The following PLCB1 variants were observed in gnomAD, a reference collection of about 807,000 sequenced individuals.
The protein encoded by PLCB1 is phospholipase C beta 1.
In PLCB1, 46 loss-of-function variants were observed where a neutral mutation model predicts 161.8. The ratio of observed to expected loss-of-function variants is 0.28; its 90% CI spans 0.22 to 0.36. The LOEUF (loss-of-function observed/expected upper bound fraction) is 0.36. Among genes scored for constraint, PLCB1 ranks in the 10% least tolerant of loss-of-function variants. The probability of loss-of-function intolerance (pLI) is 1.00; values close to 1 mark genes in which losing one functional copy is unlikely to be tolerated. For synonymous variants in PLCB1, 517 were observed against 503.7 expected (o/e 1.03, Z -0.35); for missense variants, 1,016 against 1,472.5 (o/e 0.69, Z 5.07).
rs1568536067 is a variant in PLCB1, at chr20:8,629,879, C to CTG, written c.384+1449_384+1450insGT. ...TTTCTTTCTTTCTTTCTTTCTTTCT[C>CTG]TCTCTCTTTCTTTTCTTTCTTTCTT... On this transcript the variant is annotated intron_variant, in intron 4 of 31. Transcript: ENST00000338037. Among the ~76,000 whole-genome samples, 4 of 89,762 alleles carry CTG rather than the reference C, an allele frequency of 4.5e-5. No individual in the cohort carries two copies. The Admixed American group carries it at 4.6e-4, about 10-fold the overall frequency. The allele number at this position is 89,762 out of a possible 152,430, so 58.9% of individuals were successfully genotyped here.
intron 4 of PLCB1, among the ~76,000 whole-genome samples, chr20:8,643,985 C>T (rs1415442424): frequency 2.6e-5 from 4 of 151,408 alleles, no homozygotes; most frequent in East Asian, 1.9e-4. Flanking sequence ...TTGGTGGAGA[C>T]GGGGTTTCGC....
intron 2 of PLCB1, among the ~76,000 whole-genome samples, chr20:8,158,418 A>G (rs2051585223): frequency 1.3e-5 from 2 of 152,136 alleles, no homozygotes; most frequent in South Asian, 2.1e-4. Context: ...GGCAGTTTAC[A>G]AAAGAAAGAG....
At chr20:8,454,984 A>G (rs1600412782) in intron 3 of PLCB1, among the ~76,000 whole-genome samples, 2 of 152,220 alleles carry the variant, frequency 1.3e-5, no homozygotes, top group South Asian at 2.1e-4. Context: ...GGATGGATGA[A>G]TGAATGAATG....
At chr20:8,194,419 A>G (rs2052001803) in intron 2 of PLCB1, among the ~76,000 whole-genome samples, 1 of 151,970 alleles carries the variant, frequency 6.6e-6, no homozygotes, top group Non-Finnish European at 1.5e-5. Flanking sequence ...TTTCTTTTTA[A>G]TTTAGGTGTA....
rs373060309 is a variant in PLCB1, at chr20:8,764,029, T to C, written c.2711-1110T>C. 1.4e-4 allele frequency among the ~76,000 whole-genome samples: 22 copies of C among 152,132 alleles called. No individual in the cohort carries two copies. The East Asian group carries it at 3.7e-3, about 26-fold the overall frequency. The stretch of plus-strand genomic sequence containing the variant: ...AAAATAGAAAATAATTATCCGGGCA[T>C]GTTGGTGCATGCTTGTAATCCCAGC... On this transcript the variant is annotated intron_variant, in intron 25 of 31. Transcript: ENST00000338037.
At chr20:8,226,882 G>T (rs1170443515) in intron 2 of PLCB1, among the ~76,000 whole-genome samples, 1 of 151,772 alleles carries the variant, frequency 6.6e-6, no homozygotes, top group Non-Finnish European at 1.5e-5. Flanking sequence ...AGAGACAGAG[G>T]TTCACCATCT....
intron 3 of PLCB1, among the ~76,000 whole-genome samples, chr20:8,561,591 AAAT>A (rs1313415719): frequency 1.3e-5 from 2 of 152,060 alleles, no homozygotes; most frequent in African/African-American, 4.8e-5. Context: ...CTATCAGTGA[AAAT>A]AACAGGGTTT....
At chr20:8,339,864 G>C (rs1311044554) in intron 2 of PLCB1, among the ~76,000 whole-genome samples, 1 of 152,164 alleles carries the variant, frequency 6.6e-6, no homozygotes, top group Non-Finnish European at 1.5e-5. Context: ...AGTGCTTTGG[G>C]GGGCCAAGAT....
At chr20:8,637,655 G>C (rs1294593596) in intron 4 of PLCB1, among the ~76,000 whole-genome samples, 4 of 152,102 alleles carry the variant, frequency 2.6e-5, no homozygotes, top group Non-Finnish European at 5.9e-5. Context: ...AACTTAAAAA[G>C]ATAAATATAT....
chr20:8,875,105 A>G (rs951879324), intron 31 of PLCB1, among the ~76,000 whole-genome samples: 2 of 151,720 alleles, frequency 1.3e-5, no homozygotes, highest in Non-Finnish European at 2.9e-5. Flanking sequence ...TCAAATATAT[A>G]TAGTTGTATT....
chr20:8,845,863 G>A (rs537800587), intron 31 of PLCB1, among the ~76,000 whole-genome samples: 24 of 152,210 alleles, frequency 1.6e-4, no homozygotes, highest in African/African-American at 4.6e-4. Flanking sequence ...AATACAATAC[G>A]CATTAAGTAC....
rs149672694 is a variant in PLCB1 at position 8,665,995 on chromosome 20, C to T, written c.862+7291C>T. ...CATGGTTCCAACCCAGCCACCTACA[C>T]ACTTGGCAACTCTTCAGGGCCTTCT... is the stretch of plus-strand genomic sequence containing the variant. On this transcript the variant is annotated intron_variant, in intron 9 of 31. Transcript: ENST00000338037. Among the ~76,000 whole-genome samples the T allele has an allele frequency of 7.1e-3, 1,078 of 152,294 alleles. 6 individuals carry two copies. Among genetic ancestry groups the T allele is most frequent in the Middle Eastern group, 0.037 (11 of 294 alleles).
intron 31 of PLCB1, among the ~76,000 whole-genome samples, chr20:8,852,283 T>A (rs1390982299): frequency 6.6e-6 from 1 of 152,218 alleles, no homozygotes; most frequent in Non-Finnish European, 1.5e-5. Context: ...TTGAAGAACC[T>A]AAGAAAATTG....
chr20:8,341,049 G>C (rs1212710898), intron 2 of PLCB1, among the ~76,000 whole-genome samples: 2 of 152,002 alleles, frequency 1.3e-5, no homozygotes, highest in African/African-American at 4.8e-5. Flanking sequence ...ATCATGCTTG[G>C]GTATCACAAG....
chr20:8,616,546 A>G (rs1235249105), intron 3 of PLCB1, among the ~76,000 whole-genome samples: 1 of 152,186 alleles, frequency 6.6e-6, no homozygotes, highest in Non-Finnish European at 1.5e-5. Context: ...CCTTGCCAGA[A>G]TGTAAGCACC....
intron 2 of PLCB1, among the ~76,000 whole-genome samples, chr20:8,253,902 CAA>C (rs1981279350): frequency 1.3e-5 from 2 of 151,902 alleles, no homozygotes; most frequent in Non-Finnish European, 2.9e-5. Flanking sequence ...TTAATTTGCT[CAA>C]GATAATGGCC....
intron 3 of PLCB1, among the ~76,000 whole-genome samples, chr20:8,506,792 T>C (rs1983654249): frequency 6.6e-6 from 1 of 152,226 alleles, no homozygotes. Context: ...ATTAGTTTGT[T>C]ATTTGCCTCA....
chr20:8,308,392 G>A (rs951734160), intron 2 of PLCB1, among the ~76,000 whole-genome samples: 4 of 151,778 alleles, frequency 2.6e-5, no homozygotes, highest in Admixed American at 6.6e-5. Context: ...CAAGGTGAGC[G>A]GATCACCTGA....
chr20:8,849,275 C>G (rs972544077), intron 31 of PLCB1, among the ~76,000 whole-genome samples: 6 of 152,140 alleles, frequency 3.9e-5, no homozygotes, highest in Admixed American at 3.3e-4. Context: ...CTGTAATCAT[C>G]CACAATATCT....
Sources: gnomAD v4.1 joint callset for allele counts (sites outside exome capture counted in the v4.1 genomes callset) on GRCh38, gnomAD v4.1.1 for gene constraint, MANE v1.5 for transcripts, NCBI Gene and HGNC (gene_info 2026-07-23, HGNC 2026-07-21) for gene names.